The following RTN3 variants were observed in gnomAD, a reference collection of about 807,000 sequenced individuals.
RTN3 encodes the protein reticulon-3.
Under a neutral mutation model 77.8 loss-of-function variants are expected in RTN3, and 49 were observed. The observed-to-expected ratio is 0.63, with a 90% CI of 0.50 to 0.80. RTN3 has a LOEUF of 0.80. RTN3 is among the 30% of genes least tolerant of loss of function. RTN3 has a pLI of 0.00. For missense variants in RTN3, 1,236 were observed against 1,211.9 expected (o/e 1.02, Z -0.29); for synonymous variants, 464 against 446.9 (o/e 1.04, Z -0.48).
rs1165391429 is a variant in RTN3 at position 63,698,172 on chromosome 11, C to A, written c.143-6679C>A. 2.0e-5 allele frequency among the ~76,000 whole-genome samples: 3 copies of A among 151,872 alleles called. No individual in the cohort carries two copies. In the South Asian group the frequency reaches 6.2e-4, roughly 32 times the overall value. On this transcript the variant is annotated intron_variant, in intron 1 of 8. Transcript: ENST00000377819. ...TTTAAAACAGTGTCTCACTCTTGCC[C>A]AGGTGCCATGGCTCAATCTCAGCTC...
intron 1 of RTN3, 57 bp from the exon 2 acceptor site, chr11:63,704,794 A>G: frequency 7.8e-7 from 1 of 1,290,232 alleles, no homozygotes; most frequent in Admixed American, 1.7e-5. Flanking sequence ...AAAGAAAGTT[A>G]AAGTTAAAAT....
intron 3 of RTN3, among the ~76,000 whole-genome samples, chr11:63,745,746 ATTTC>A (rs760622320): frequency 1.3e-5 from 2 of 152,110 alleles, no homozygotes; most frequent in Non-Finnish European, 2.9e-5. Context: ...GAATATTTCT[ATTTC>A]TTATGAGTTT....
chr11:63,738,408 G>A (rs1482278636), intron 3 of RTN3, among the ~76,000 whole-genome samples: 1 of 152,128 alleles, frequency 6.6e-6, no homozygotes, highest in Admixed American at 6.6e-5. Context: ...GGGAGGCCAA[G>A]GAGGGCAGAT....
intron 4 of RTN3, among the ~76,000 whole-genome samples, chr11:63,751,640 T>C (rs113906751): frequency 1.3e-4 from 20 of 152,176 alleles, no homozygotes; most frequent in Admixed American, 4.6e-4. Flanking sequence ...CCTGTGCTCC[T>C]TGTATTTTCT....
intron 3 of RTN3, among the ~76,000 whole-genome samples, chr11:63,734,077 A>G (rs2012900464): frequency 6.6e-6 from 1 of 152,190 alleles, no homozygotes; most frequent in African/African-American, 2.4e-5. Context: ...CCCTCAGTCT[A>G]ATAAACAGCA....
At chr11:63,723,726 C>T (rs2012000224) in intron 3 of RTN3, among the ~76,000 whole-genome samples, 1 of 152,164 alleles carries the variant, frequency 6.6e-6, no homozygotes, top group Non-Finnish European at 1.5e-5. Context: ...CCACACACAG[C>T]CGATTGTCTA....
At position 63,750,150 on chromosome 11, in the gene RTN3, A is replaced by G; in HGVS notation, c.2690A>G (p.Lys897Arg). 3 of 1,612,918 alleles carry G rather than the reference A, an allele frequency of 1.9e-6. No individual in the cohort carries two copies. Among genetic ancestry groups the G allele is most frequent in the Non-Finnish European group, 2.5e-6 (3 of 1,179,442 alleles). The change falls in exon 4 of 9, where the codon AAG becomes AGG. Residue 897 changes from lysine (K) to arginine (R), a missense_variant. Coordinates refer to ENST00000377819, the MANE Select transcript of RTN3 (RefSeq NM_001265589.2). Reference protein sequence around the residue: ...LSVTISFRIYKSVIQAVQKSE... With the variant: ...LSVTISFRIYRSVIQAVQKSE... ...GTCACCATCAGCTTCAGGATCTACA[A>G]GTCCGTCATCCAAGCTGTACAGAAG...
rs1245145522 is a variant in RTN3, at chr11:63,704,916, G to A, written c.199+9G>A. On this transcript the variant is annotated intron_variant, in intron 2 of 8. Coordinates refer to ENST00000377819, the MANE Select transcript of RTN3 (RefSeq NM_001265589.2). ...ATTTTCGACCTCACAAGGCAAGTCT[G>A]TAATTTTTTTGTGTGCATTGGTAAA... is the stretch of plus-strand genomic sequence containing the variant. The A allele has an allele frequency of 6.2e-7, 1 of 1,605,338 alleles. No homozygotes were observed. The highest frequency in any genetic ancestry group is 1.1e-5 in the South Asian group (1 of 90,928).
intron 1 of RTN3, among the ~76,000 whole-genome samples, chr11:63,704,611 A>C (rs1430810366): frequency 2.0e-5 from 3 of 151,728 alleles, no homozygotes; most frequent in East Asian, 3.8e-4. Flanking sequence ...GAAGGTGAGA[A>C]TGTTTGACTA....
intron 1 of RTN3, among the ~76,000 whole-genome samples, chr11:63,700,528 C>T (rs1242292265): frequency 2.0e-5 from 3 of 151,698 alleles, no homozygotes; most frequent in Non-Finnish European, 4.4e-5. Flanking sequence ...AAGCGGTCCA[C>T]CTGCCTCAGC....
rs561644667 is a variant in RTN3 at position 63,748,661 on chromosome 11, CTTTTTTTTTTTTT to C, written c.2531-1317_2531-1305del. ...CCCTGCACCCTGCCAGCCCCACTCA[CTTTTTTTTTTTTT>C]TTTTTTTTTTTTAGACGGAGTTTCG... is the stretch of plus-strand genomic sequence containing the variant. On this transcript the variant is annotated intron_variant, in intron 3 of 8. Transcript: ENST00000377819. Among the ~76,000 whole-genome samples the C allele has an allele frequency of 8.4e-3, 895 of 105,934 alleles. 13 individuals are homozygous for C. Among genetic ancestry groups the C allele is most frequent in the African/African-American group, 0.033 (848 of 25,978 alleles). The allele number at this position is 105,934 out of a possible 152,430, so 69.5% of individuals were successfully genotyped here.
rs1299529581 is a variant in RTN3, at chr11:63,758,524, A to G, written c.*323A>G. 1.7e-6 allele frequency: 1 copy of G among 597,866 alleles called. No individual in the cohort carries two copies. The highest frequency in any genetic ancestry group is 2.8e-6 in the Non-Finnish European group (1 of 352,260). 37.0% of individuals were successfully genotyped at this position (597,866 alleles called of 1,614,324 possible). A position where few individuals can be genotyped will look rare whatever the true frequency, so the allele number is the denominator to read the frequency against. On this transcript the variant is annotated 3_prime_UTR_variant, in exon 9 of 9. Transcript: ENST00000377819. ...TGGAGGTAAGAGAGAAAATGAAAGA[A>G]CACCTCTGGGTCCTTCTGTCCAGTT...
chr11:63,721,745 G>A (rs1263215476), intron 3 of RTN3, among the ~76,000 whole-genome samples: 1 of 151,862 alleles, frequency 6.6e-6, no homozygotes, highest in Admixed American at 6.6e-5. Flanking sequence ...ATACTTTTTA[G>A]CACTTGGATT....
intron 1 of RTN3, among the ~76,000 whole-genome samples, chr11:63,683,254 C>CT (rs1941163353): frequency 6.6e-6 from 1 of 152,168 alleles, no homozygotes; most frequent in South Asian, 2.1e-4. Flanking sequence ...AACCACCAGC[C>CT]TTTTCTCCAA....
chr11:63,719,631 G>A lies in RTN3; in HGVS notation c.1129G>A (p.Val377Ile), dbSNP rs774851989. The A allele has an allele frequency of 6.2e-7, 1 of 1,613,680 alleles. No homozygotes were observed. Among genetic ancestry groups the A allele is most frequent in the South Asian group, 1.1e-5 (1 of 91,052 alleles). The stretch of plus-strand genomic sequence containing the variant: ...TGAATATAATTCAGAAATTCCAGTT[G>A]TAAATCTTAAAACTAGCACTCATCA... ...MSEYNSEIPV[V>I]NLKTSTHQKT... Residue 377 changes from valine to isoleucine, a missense_variant, in exon 3 of 9, where the codon GTA (valine) becomes ATA (isoleucine). Val to Ile is a conservative substitution (Grantham distance 29). Transcript: ENST00000377819.
chr11:63,695,849 G>A (rs1007833571), intron 1 of RTN3, among the ~76,000 whole-genome samples: 1 of 152,084 alleles, frequency 6.6e-6, no homozygotes, highest in Non-Finnish European at 1.5e-5. Flanking sequence ...GAAGAGAAAA[G>A]GGGCGTTAGG....
chr11:63,692,243 G>T (rs1941700310), intron 1 of RTN3, among the ~76,000 whole-genome samples: 2 of 152,032 alleles, frequency 1.3e-5, no homozygotes, highest in Non-Finnish European at 2.9e-5. Flanking sequence ...GACTGGTTTT[G>T]AACTCCTGAC....
chr11:63,700,656 T>G (rs1364441448), intron 1 of RTN3, among the ~76,000 whole-genome samples: 1 of 151,300 alleles, frequency 6.6e-6, no homozygotes, highest in Non-Finnish European at 1.5e-5. Flanking sequence ...CAGGCTGGAG[T>G]GCAGTGGCAT....
At chr11:63,736,400 T>C (rs2013123703) in intron 3 of RTN3, among the ~76,000 whole-genome samples, 2 of 151,986 alleles carry the variant, frequency 1.3e-5, no homozygotes, top group South Asian at 4.2e-4. Context: ...TAAAAAATAA[T>C]ATAAAGGCCA....
Sources: gnomAD v4.1 joint callset for allele counts (sites outside exome capture counted in the v4.1 genomes callset) on GRCh38, gnomAD v4.1.1 for gene constraint, MANE v1.5 for transcripts, NCBI Gene and HGNC (gene_info 2026-07-23, HGNC 2026-07-21) for gene names.